PRIM2: variants seen among roughly 807,000 people sequenced by gnomAD.
PRIM2 encodes the protein DNA primase large subunit.
A neutral mutation model predicts 67.3 loss-of-function variants in PRIM2; 39 were observed. The observed-to-expected ratio is 0.58, with a 90% CI of 0.45 to 0.76. The LOEUF is 0.76. PRIM2 is among the 30% of genes least tolerant of loss of function. The pLI is 0.00. For synonymous variants in PRIM2, 143 were observed against 198.7 expected (o/e 0.72, Z 2.36); for missense variants, 398 against 598.7 (o/e 0.66, Z 3.50).
chr6:57,421,830 G>A (rs1490865748), intron 7 of PRIM2, among the ~76,000 whole-genome samples: 1 of 152,150 alleles, frequency 6.6e-6, no homozygotes, highest in Non-Finnish European at 1.5e-5. Flanking sequence ...TCAAAGAGCA[G>A]TCTCTTTACA....
chr6:57,235,074 C>T, the PRIM2 span, among the ~76,000 whole-genome samples: 4 of 152,102 alleles, frequency 2.6e-5, no homozygotes, highest in South Asian at 6.2e-4. Flanking sequence ...TCACTTAAGC[C>T]CTGGAGGTCA....
chr6:57,491,762 T>C (rs1307467319), intron 7 of PRIM2, among the ~76,000 whole-genome samples: 12 of 152,138 alleles, frequency 7.9e-5, no homozygotes, highest in African/African-American at 2.9e-4. Flanking sequence ...GAGTAGAATT[T>C]ATTAAGCAAA....
At chr6:57,467,134 G>T (rs1315312735) in intron 7 of PRIM2, among the ~76,000 whole-genome samples, 157 of 127,656 alleles carry the variant, frequency 1.2e-3, no homozygotes, top group African/African-American at 4.1e-3. Context: ...AAGAAAAAAA[G>T]ATCCCATTTG....
chr6:57,482,689 C>G (rs1264399724), intron 7 of PRIM2, among the ~76,000 whole-genome samples: 1 of 152,090 alleles, frequency 6.6e-6, no homozygotes, highest in African/African-American at 2.4e-5. Context: ...TATCTCAAAG[C>G]TACAGAGCAA....
chr6:57,381,978 G>A, intron 6 of PRIM2, 53 bp from the exon 7 acceptor site: 1 of 1,540,648 alleles, frequency 6.5e-7, no homozygotes. Context: ...GAAGACTTAG[G>A]ATTTCTTAAT....
chr6:57,637,465 T>TA (rs1777141896), intron 13 of PRIM2, among the ~76,000 whole-genome samples: 1 of 151,990 alleles, frequency 6.6e-6, no homozygotes, highest in Admixed American at 6.6e-5. Context: ...TCCTCCGAAC[T>TA]AAAGGAGCAT....
the PRIM2 span, among the ~76,000 whole-genome samples, chr6:57,237,848 G>T: frequency 2.0e-5 from 3 of 152,134 alleles, no homozygotes; most frequent in East Asian, 1.9e-4. Context: ...ATCAGGTAGC[G>T]TGATGCCTCC....
chr6:57,285,245 A>G, the PRIM2 span, among the ~76,000 whole-genome samples: 4 of 152,198 alleles, frequency 2.6e-5, no homozygotes, highest in Non-Finnish European at 5.9e-5. Flanking sequence ...AACAACAAAA[A>G]AAGAGGGACT....
chr6:57,407,165 A>G lies in PRIM2; in HGVS notation c.693+24997A>G, dbSNP rs528294538. ...TTAAAGGCTAAAATAATGGAAAGGA[A>G]ATGAAATAATGTTCAATCTTTGAGG... On this transcript the variant is annotated intron_variant, in intron 7 of 13. Coordinates refer to ENST00000615550, the MANE Select transcript of PRIM2 (RefSeq NM_000947.5). Among the ~76,000 whole-genome samples, 19 of 152,354 alleles carry G rather than the reference A, an allele frequency of 1.2e-4. No individual in the cohort carries two copies. The South Asian group carries it at 3.7e-3, about 30-fold the overall frequency.
the PRIM2 span, among the ~76,000 whole-genome samples, chr6:57,237,824 T>C: frequency 3.3e-5 from 5 of 152,228 alleles, no homozygotes; most frequent in African/African-American, 1.2e-4. Flanking sequence ...TATAGCCTTG[T>C]GGTATAGTTT....
chr6:57,249,781 T>C, the PRIM2 span, among the ~76,000 whole-genome samples: 6 of 152,074 alleles, frequency 3.9e-5, no homozygotes, highest in Admixed American at 3.3e-4. Flanking sequence ...TATGCTAACG[T>C]GCTGGTCAAA....
intron 7 of PRIM2, among the ~76,000 whole-genome samples, chr6:57,476,980 T>C (rs1773492693): frequency 6.6e-6 from 1 of 152,166 alleles, no homozygotes; most frequent in Admixed American, 6.5e-5. Context: ...TCATGAATTT[T>C]ATGAATGAGT....
intron 12 of PRIM2, among the ~76,000 whole-genome samples, chr6:57,616,755 C>T (rs1776764396): frequency 6.6e-6 from 1 of 152,188 alleles, no homozygotes; most frequent in East Asian, 1.9e-4. Flanking sequence ...TATCAAGTTC[C>T]AAACCTTTTC....
chr6:57,287,877 T>C, the PRIM2 span, among the ~76,000 whole-genome samples: 551 of 152,214 alleles, frequency 3.6e-3, 5 homozygotes, highest in African/African-American at 0.013. Context: ...ACGGGTGATT[T>C]CTGCATTTCC....
At chr6:57,300,457 G>GTGTGTGTGTGCATGTT in the PRIM2 span, among the ~76,000 whole-genome samples, 1 of 151,824 alleles carries the variant, frequency 6.6e-6, no homozygotes, top group African/African-American at 2.4e-5. Flanking sequence ...GTGTGTATGT[G>GTGTGTGTGTGCATGTT]CGTGTGTGTG....
intron 7 of PRIM2, among the ~76,000 whole-genome samples, chr6:57,387,315 A>T (rs899714907): frequency 2.0e-5 from 3 of 152,156 alleles, no homozygotes; most frequent in African/African-American, 7.2e-5. Flanking sequence ...CCAAATAATG[A>T]TATAAACTTG....
At chr6:57,439,511 G>A (rs1014520249) in intron 7 of PRIM2, among the ~76,000 whole-genome samples, 2 of 144,794 alleles carry the variant, frequency 1.4e-5, no homozygotes, top group African/African-American at 5.1e-5. Flanking sequence ...TGCCTTCTGG[G>A]TTCTAGCAAT....
At chr6:57,505,398 A>T (rs1457308172) in intron 7 of PRIM2, 1 of 152,122 alleles carries the variant, frequency 6.6e-6, no homozygotes, top group African/African-American at 2.4e-5. Flanking sequence ...AGAAAACTGG[A>T]GCTATGGAAA....
At chr6:57,432,704 T>C (rs1771876096) in intron 7 of PRIM2, among the ~76,000 whole-genome samples, 1 of 152,230 alleles carries the variant, frequency 6.6e-6, no homozygotes, top group Admixed American at 6.5e-5. Flanking sequence ...AGACCTTATA[T>C]ACCTCACAGG....
Sources: allele counts gnomAD v4.1 joint callset (sites outside exome capture counted in the v4.1 genomes callset), GRCh38; gene constraint gnomAD v4.1.1; transcripts MANE v1.5; gene names NCBI Gene and HGNC (gene_info 2026-07-23, HGNC 2026-07-21).